Variants in IQANK1 observed in about 807,000 individuals in gnomAD.
IQANK1 encodes the protein IQ motif and ankyrin repeat containing 1, also known as IQ motif and ankyrin repeat domain-containing protein 1.
A neutral mutation model predicts 22.6 loss-of-function variants in IQANK1; 30 were observed. That is an observed-to-expected ratio of 1.33 (90% confidence interval 0.99 to 1.80). The LOEUF is 1.80. Ranked by LOEUF, IQANK1 falls within the 40% of genes most tolerant of loss-of-function variation. The pLI is 0.00. For missense variants in IQANK1, 275 were observed against 235.2 expected (o/e 1.17, Z -1.11); for synonymous variants, 122 against 99.6 (o/e 1.23, Z -1.34).
At chr8:143,745,526 G>C (rs557476913) in intron 3 of IQANK1, 1 of 152,260 alleles carries the variant, frequency 6.6e-6, no homozygotes, top group African/African-American at 2.4e-5. Flanking sequence ...GGGTTCAAGC[G>C]ATTCTCTTGC....
chr8:143,757,238 A>G (rs73373133), intron 3 of IQANK1, among the ~76,000 whole-genome samples: 7,560 of 152,272 alleles, frequency 0.05, 643 homozygotes, highest in African/African-American at 0.17. Flanking sequence ...TAATTGATGA[A>G]TGGGTTGCAG....
chr8:143,741,142 C>A (rs1394723310), intron 3 of IQANK1, among the ~76,000 whole-genome samples: 1 of 152,192 alleles, frequency 6.6e-6, no homozygotes, highest in Admixed American at 6.5e-5. Context: ...CGCTCTTCTG[C>A]TCTCAGTGTC....
chr8:143,789,388 G>A (rs1446423048), intron 9 of IQANK1, 48 bp from the exon 10 acceptor site: 61 of 1,049,792 alleles, frequency 5.8e-5, no homozygotes, highest in East Asian at 1.6e-4. Flanking sequence ...TGACCTGGTC[G>A]GAGGATACTG....
rs1819652715 is a variant in IQANK1 at position 143,774,789 on chromosome 8, G to T, written c.789+2307G>T. 6.6e-6 allele frequency among the ~76,000 whole-genome samples: 1 copy of T among 152,200 alleles called. No homozygotes were observed. Among genetic ancestry groups the T allele is most frequent in the Non-Finnish European group, 1.5e-5 (1 of 68,034 alleles). ...AGGCGAGTGGCTCCACTAGCTTGGT[G>T]CATTCCTGCCACGAAACACGCTTGG... On this transcript the variant is annotated intron_variant, in intron 7 of 13. Transcript: ENST00000527139. This position sits in a 1 kb window ranked among gnomAD's most constrained non-coding sequence, Gnocchi z 4.2.
Position 143,782,742 on chromosome 8 carries a change from C to T in IQANK1, c.790-6173C>T, listed in dbSNP as rs781955745. On this transcript the variant is annotated intron_variant, in intron 7 of 13. Transcript: ENST00000527139. ...CTGCCCACCTCGGTCTCCCGAAGAG[C>T]TGGGATTACAGATATGAGCCACCGT... Among the ~76,000 whole-genome samples, 14 of 152,330 alleles carry T rather than the reference C, an allele frequency of 9.2e-5. No individual in the cohort carries two copies. In the East Asian group the frequency reaches 2.7e-3, roughly 29 times the overall value.
chr8:143,772,691 C>A (rs1172231894), intron 7 of IQANK1, among the ~76,000 whole-genome samples: 3 of 152,210 alleles, frequency 2.0e-5, no homozygotes, highest in Non-Finnish European at 1.5e-5. Context: ...CCCCGCCGTG[C>A]GCCATTCCCT....
At chr8:143,749,571 C>CAT (rs201945333) in intron 3 of IQANK1, among the ~76,000 whole-genome samples, 2,409 of 118,114 alleles carry the variant, frequency 0.02, 35 homozygotes, top group Middle Eastern at 0.06. Context: ...ATATATCAAT[C>CAT]ATATATATAT....
At chr8:143,782,389 G>C (rs1300657785) in intron 7 of IQANK1, among the ~76,000 whole-genome samples, 2 of 152,190 alleles carry the variant, frequency 1.3e-5, no homozygotes, top group Admixed American at 1.3e-4. Flanking sequence ...TCTTGTGCCA[G>C]TTTTCAAGGG....
chr8:143,785,253 C>CTTTTTT (rs36118052), intron 7 of IQANK1, among the ~76,000 whole-genome samples: 1 of 92,016 alleles, frequency 1.1e-5, no homozygotes, highest in African/African-American at 3.6e-5. Context: ...TGTTCTGTAT[C>CTTTTTT]TTTTTTTTTT....
chr8:143,754,629 T>C (rs1282860534), intron 3 of IQANK1, among the ~76,000 whole-genome samples: 1 of 151,926 alleles, frequency 6.6e-6, no homozygotes, highest in Admixed American at 6.6e-5. Flanking sequence ...TTATTTTTAT[T>C]ATTATTTTTT....
At chr8:143,770,736 C>T (rs1819555915) in intron 3 of IQANK1, among the ~76,000 whole-genome samples, 1 of 152,290 alleles carries the variant, frequency 6.6e-6, no homozygotes, top group African/African-American at 2.4e-5. Context: ...ACAAGTCACA[C>T]CCACGGGGCG....
rs1337862090 is a variant in IQANK1, at chr8:143,772,196, C to T, written c.616C>T (p.Leu206=). 5.1e-6 allele frequency: 2 copies of T among 394,084 alleles called. No individual in the cohort carries two copies. Among genetic ancestry groups the T allele is most frequent in the Non-Finnish European group, 9.0e-6 (2 of 223,196 alleles). The allele number at this position is 394,084 out of a possible 1,614,324, so 24.4% of individuals were successfully genotyped here. A position where few individuals can be genotyped will look rare whatever the true frequency, so the allele number is the denominator to read the frequency against. Residue 206 remains leucine, a synonymous_variant, in exon 6 of 14, where the codon CTG becomes TTG. Transcript: ENST00000527139. ...GGAGGCGGCCGCAGGCGGGCAGCCC[C>T]TGGCCATCCAGCTGCGGGCCGAGCT... ...LSEAAAGGQP[L]AIQLRAELGA... is the part of the protein sequence containing the mutation.
chr8:143,770,205 C>A (rs1554629602), intron 3 of IQANK1, among the ~76,000 whole-genome samples: 1 of 152,200 alleles, frequency 6.6e-6, no homozygotes, highest in South Asian at 2.1e-4. Flanking sequence ...TTAACTTCAG[C>A]GAATTGTGTC....
At chr8:143,786,029 T>G (rs782070539) in intron 7 of IQANK1, among the ~76,000 whole-genome samples, 1 of 151,852 alleles carries the variant, frequency 6.6e-6, no homozygotes, top group Non-Finnish European at 1.5e-5. Flanking sequence ...CTGGCCTAAT[T>G]TTTTTTATTT....
chr8:143,743,562 C>T (rs565265586), intron 3 of IQANK1, among the ~76,000 whole-genome samples: 2 of 152,282 alleles, frequency 1.3e-5, no homozygotes, highest in East Asian at 3.9e-4. Context: ...TTTAGACATG[C>T]GTCCCCTCCT....
At chr8:143,770,470 C>T (rs1819551148) in intron 3 of IQANK1, among the ~76,000 whole-genome samples, 1 of 152,242 alleles carries the variant, frequency 6.6e-6, no homozygotes, top group Non-Finnish European at 1.5e-5. Context: ...CAGCTCTCCA[C>T]CCTGCCCCCG....
chr8:143,767,922 C>T (rs1447954435), intron 3 of IQANK1, among the ~76,000 whole-genome samples: 4 of 117,770 alleles, frequency 3.4e-5, no homozygotes, highest in Admixed American at 9.5e-5. Flanking sequence ...CTCGCTCTGT[C>T]GCCCAGGCTG....
chr8:143,747,368 A>G (rs148165205), intron 3 of IQANK1, among the ~76,000 whole-genome samples: 4 of 151,912 alleles, frequency 2.6e-5, no homozygotes, highest in Admixed American at 6.6e-5. Context: ...TATTTTGTCT[A>G]TCTCTAATCT....
Position 143,772,038 on chromosome 8 carries a change from G to C in IQANK1, c.472-14G>C, listed in dbSNP as rs1405089491. On this transcript the variant is annotated splice_polypyrimidine_tract_variant and intron_variant, in intron 5 of 13. Transcript: ENST00000527139. Reference sequence around the variant, plus strand: ...GGGAGGAGCGGGGAGCGGTGACCGCGGCGAGCTGCGCAGGTGGAGCAGCTG... The same window carrying C: ...GGGAGGAGCGGGGAGCGGTGACCGCCGCGAGCTGCGCAGGTGGAGCAGCTG... 2.5e-5 allele frequency: 10 copies of C among 396,218 alleles called. No individual in the cohort carries two copies. The highest frequency in any genetic ancestry group is 4.1e-5 in the African/African-American group (2 of 48,512). 24.5% of individuals were successfully genotyped at this position (396,218 alleles called of 1,614,324 possible). A position where few individuals can be genotyped will look rare whatever the true frequency, so the allele number is the denominator to read the frequency against.
Sources: gnomAD v4.1 joint callset for allele counts (sites outside exome capture counted in the v4.1 genomes callset) on GRCh38, gnomAD v4.1.1 for gene constraint, Gnocchi (gnomAD v3.1) non-coding constraint, MANE v1.5 for transcripts, NCBI Gene and HGNC (gene_info 2026-07-23, HGNC 2026-07-21) for gene names.